The following NF1 variants were observed in gnomAD, a reference collection of about 807,000 sequenced individuals.
NF1 encodes the protein neurofibromin.
In NF1, 122 loss-of-function variants were observed where a neutral mutation model predicts 325.7. The ratio of observed to expected loss-of-function variants is 0.37; its 90% CI spans 0.32 to 0.44. NF1 has a LOEUF of 0.44. Among genes scored for constraint, NF1 ranks in the 20% least tolerant of loss-of-function variants. NF1 has a pLI of 1.00. For synonymous variants in NF1, 1,091 were observed against 1,186.0 expected, an observed-to-expected ratio of 0.92 and a Z score of 1.65; for missense variants, 2,140 against 3,415.4, an observed-to-expected ratio of 0.63 and a Z score of 9.31.
intron 1 of NF1, among the ~76,000 whole-genome samples, chr17:31,108,615 T>C (rs1214831853): frequency 6.6e-6 from 1 of 152,216 alleles, no homozygotes; most frequent in Non-Finnish European, 1.5e-5. Flanking sequence ...TATCCATTAC[T>C]CAATTTCTCC....
chr17:31,095,540 G>A (rs967592795), intron 1 of NF1, 171 bp downstream of exon 1: 44 of 659,738 alleles, frequency 6.7e-5, no homozygotes, highest in Non-Finnish European at 1.0e-4. Flanking sequence ...AAGGCGGGAG[G>A]TGAGGGGTAG....
chr17:31,229,825 C>T lies in NF1; in HGVS notation c.2851-10C>T, dbSNP rs1555614412. On this transcript the variant is annotated splice_polypyrimidine_tract_variant and intron_variant, in intron 21 of 57. Transcript: ENST00000358273. ...ATGGCAAATCATTAATGTATTTGTT[C>T]TTTCTTTAGGTTTTATTGACTGATA... 1 of 1,611,498 alleles carries T rather than the reference C, an allele frequency of 6.2e-7. No individual in the cohort carries two copies. Among genetic ancestry groups the T allele is most frequent in the East Asian group, 2.2e-5 (1 of 44,864 alleles).
intron 11 of NF1, among the ~76,000 whole-genome samples, chr17:31,205,188 A>G (rs2066598865): frequency 6.6e-6 from 1 of 152,136 alleles, no homozygotes; most frequent in Admixed American, 6.5e-5. Context: ...ATATTCTGAG[A>G]ATTCCAAGTG....
At chr17:31,167,745 C>T (rs940639507) in intron 4 of NF1, among the ~76,000 whole-genome samples, 1 of 152,114 alleles carries the variant, frequency 6.6e-6, no homozygotes, top group African/African-American at 2.4e-5. Context: ...CTTTTATTAA[C>T]ATTTAGGCTA....
intron 31 of NF1, 37 bp from the exon 32 acceptor site, chr17:31,258,307 C>T (rs2151461596): frequency 1.2e-6 from 2 of 1,612,262 alleles, no homozygotes; most frequent in Non-Finnish European, 1.7e-6. Context: ...TATATTAATT[C>T]AAACCTTATA....
chr17:31,314,889 A>T (rs781326930), intron 36 of NF1, among the ~76,000 whole-genome samples: 3 of 152,134 alleles, frequency 2.0e-5, no homozygotes, highest in Non-Finnish European at 4.4e-5. Flanking sequence ...ACTGTTCTCC[A>T]TAGTGGTTTT....
rs1389385232 is a variant in NF1 at position 31,376,340 on chromosome 17, GA to G, written c.*2186del. 1 of 232,850 alleles carries G rather than the reference GA, an allele frequency of 4.3e-6. No individual in the cohort carries two copies. The highest frequency in any genetic ancestry group is 8.5e-6 in the Non-Finnish European group (1 of 117,864). 14.4% of individuals were successfully genotyped at this position (232,850 alleles called of 1,614,324 possible). ...CCAGAGGTTTACTGTTAAAAATACTGATATTTCCATAAACGGGTTTACCAAG... is the reference window on the plus strand; with the variant it reads ...CCAGAGGTTTACTGTTAAAAATACTGTATTTCCATAAACGGGTTTACCAAG... On this transcript the variant is annotated 3_prime_UTR_variant, in exon 58 of 58. Coordinates refer to ENST00000358273, the MANE Select transcript of NF1 (RefSeq NM_001042492.3).
intron 1 of NF1, among the ~76,000 whole-genome samples, chr17:31,098,510 G>A (rs1257073874): frequency 6.6e-6 from 1 of 151,992 alleles, no homozygotes. Context: ...GATTACAGGC[G>A]CCTGCCACCA....
chr17:31,204,407 G>A (rs2046306545), intron 11 of NF1, among the ~76,000 whole-genome samples: 1 of 151,888 alleles, frequency 6.6e-6, no homozygotes, highest in African/African-American at 2.4e-5. Flanking sequence ...TTGCCATTTG[G>A]CTATAAACAT....
chr17:31,215,057 T>C (rs1298409990), intron 13 of NF1, among the ~76,000 whole-genome samples: 1 of 152,192 alleles, frequency 6.6e-6, no homozygotes, highest in African/African-American at 2.4e-5. Flanking sequence ...CTACAAATAC[T>C]GTATTGGAAA....
intron 1 of NF1, among the ~76,000 whole-genome samples, chr17:31,117,661 A>G (rs1914057128): frequency 1.5e-5 from 2 of 133,726 alleles, no homozygotes; most frequent in South Asian, 5.1e-4. Flanking sequence ...TGACAGAGCA[A>G]AACTCCATCT....
At chr17:31,139,352 T>C (rs1235021465) in intron 1 of NF1, among the ~76,000 whole-genome samples, 1 of 148,502 alleles carries the variant, frequency 6.7e-6, no homozygotes, top group Non-Finnish European at 1.5e-5. Context: ...TGGCCTACTC[T>C]TAGATCTTAA....
At chr17:31,173,152 C>A (rs1351895237) in intron 5 of NF1, among the ~76,000 whole-genome samples, 2 of 152,128 alleles carry the variant, frequency 1.3e-5, no homozygotes, top group African/African-American at 4.8e-5. Context: ...CGCGGTGGCT[C>A]ACGCCTGTAA....
intron 14 of NF1, among the ~76,000 whole-genome samples, chr17:31,220,958 A>G (rs2143998263): frequency 6.6e-6 from 1 of 152,248 alleles, no homozygotes; most frequent in South Asian, 2.1e-4. Context: ...ATTAATTGCA[A>G]TTTTCATTAA....
chr17:31,337,631 AAT>A lies in NF1; in HGVS notation c.6642+52_6642+53del, dbSNP rs966292407. 6 of 1,528,314 alleles carry A rather than the reference AAT, an allele frequency of 3.9e-6. No individual in the cohort carries two copies. In the African/African-American group the frequency reaches 8.4e-5, roughly 21 times the overall value. 94.7% of individuals were successfully genotyped at this position (1,528,314 alleles called of 1,614,324 possible). A position where few individuals can be genotyped will look rare whatever the true frequency, so the allele number is the denominator to read the frequency against. Reference sequence around the variant, plus strand: ...AACTAAGTTAAAATCTTTTTTTAAAAATATGTTAATACTATATAGAAGAAATA... The same window carrying A: ...AACTAAGTTAAAATCTTTTTTTAAAAATGTTAATACTATATAGAAGAAATA... On this transcript the variant is annotated intron_variant, in intron 43 of 57. Coordinates refer to ENST00000358273, the MANE Select transcript of NF1 (RefSeq NM_001042492.3).
At chr17:31,325,753 T>G (rs1031815549) in intron 36 of NF1, 67 bp from the exon 37 acceptor site, 1 of 1,099,802 alleles carries the variant, frequency 9.1e-7, no homozygotes, top group East Asian at 2.4e-5. Flanking sequence ...TAAAATTGAT[T>G]AGTGGCATCT....
At chr17:31,263,479 TATAAATATAA>T (rs942036774) in intron 35 of NF1, among the ~76,000 whole-genome samples, 9 of 150,154 alleles carry the variant, frequency 6.0e-5, no homozygotes, top group Non-Finnish European at 8.9e-5. Context: ...TATAAGTAAA[TATAAATATAA>T]ATAAATATAA....
chr17:31,329,133 A>G (rs548876850), intron 38 of NF1, among the ~76,000 whole-genome samples: 20 of 152,316 alleles, frequency 1.3e-4, no homozygotes, highest in South Asian at 8.3e-4. Context: ...TGAATAGCCA[A>G]TGCACACCAG....
chr17:31,230,791 G>T, intron 23 of NF1, 51 bp from the exon 24 acceptor site: 1 of 1,353,194 alleles, frequency 7.4e-7, no homozygotes, highest in Non-Finnish European at 1.1e-6. Context: ...AGGTGTGTGT[G>T]TGGCTTCAAA....
Sources: gnomAD v4.1 joint callset for allele counts (sites outside exome capture counted in the v4.1 genomes callset) on GRCh38, gnomAD v4.1.1 for gene constraint, MANE v1.5 for transcripts, NCBI Gene and HGNC (gene_info 2026-07-23, HGNC 2026-07-21) for gene names.